The following CECR2 variants were observed in gnomAD, a reference collection of about 807,000 sequenced individuals.
CECR2 encodes the protein CECR2 histone acetyl-lysine reader, also known as chromatin remodeling regulator CECR2.
CECR2 carries 30 observed loss-of-function variants against 154.5 expected under a neutral mutation model. The ratio of observed to expected loss-of-function variants is 0.19; its 90% CI spans 0.15 to 0.26. The LOEUF is 0.26. Among genes scored for constraint, CECR2 ranks in the 10% least tolerant of loss-of-function variants. The pLI is 1.00. For missense variants in CECR2, 1,743 were observed against 1,829.3 expected (o/e 0.95, Z 0.86); for synonymous variants, 725 against 683.7 (o/e 1.06, Z -0.94).
At position 17,457,319 on chromosome 22, in the gene CECR2, G is replaced by A. The variant is rs796915280; in HGVS notation, c.127-20269G>A. Among the ~76,000 whole-genome samples, 15 of 152,306 alleles carry A rather than the reference G, an allele frequency of 9.8e-5. 1 individual carries two copies. Among genetic ancestry groups the A allele is most frequent in the African/African-American group, 2.6e-4 (11 of 41,570 alleles). ...TGGGATTACAGGCGTGAGCCACTGC[G>A]CCTGGCCTATATTTACTAGTTTTGT... is the stretch of plus-strand genomic sequence containing the variant. On this transcript the variant is annotated intron_variant, in intron 1 of 18. Coordinates refer to ENST00000262608, the MANE Select transcript of CECR2 (RefSeq NM_001290047.2).
intron 8 of CECR2, among the ~76,000 whole-genome samples, chr22:17,521,573 G>A (rs2056158974): frequency 6.6e-6 from 1 of 151,016 alleles, no homozygotes; most frequent in African/African-American, 2.4e-5. Context: ...CATATCCTTT[G>A]CCCACTTTTT....
intron 1 of CECR2, among the ~76,000 whole-genome samples, chr22:17,379,714 A>ATGTT (rs2146466088): frequency 6.6e-6 from 1 of 152,080 alleles, no homozygotes; most frequent in East Asian, 1.9e-4. Context: ...GCTGCTCTAA[A>ATGTT]TGTTTTTTAA....
intron 9 of CECR2, among the ~76,000 whole-genome samples, chr22:17,526,425 G>A (rs946687321): frequency 6.6e-6 from 1 of 152,192 alleles, no homozygotes; most frequent in East Asian, 1.9e-4. Flanking sequence ...TCTACAAGTG[G>A]TGCTGGGGAA....
rs1211328155 is a variant in CECR2, at chr22:17,448,010, T to A, written c.127-29578T>A. 3.3e-5 allele frequency among the ~76,000 whole-genome samples: 5 copies of A among 152,188 alleles called. No individual in the cohort carries two copies. In the East Asian group the frequency reaches 9.6e-4, roughly 29 times the overall value. ...CTTAATACTTTGAGATAATGTTGGG[T>A]AACAATTTTTTAGAGAGTTTTAAGG... On this transcript the variant is annotated intron_variant, in intron 1 of 18. Transcript: ENST00000262608.
intron 8 of CECR2, among the ~76,000 whole-genome samples, chr22:17,517,920 A>G (rs749374796): frequency 6.6e-6 from 1 of 152,200 alleles, no homozygotes; most frequent in African/African-American, 2.4e-5. Flanking sequence ...TGAGCATATT[A>G]TGGTTACAGG....
Position 17,541,902 on chromosome 22 carries a change from T to C in CECR2, c.1948T>C (p.Ser650Pro). 1 of 1,613,964 alleles carries C rather than the reference T, an allele frequency of 6.2e-7. No homozygotes were observed. Residue 650 changes from serine to proline, a missense_variant, in exon 15 of 19, where the codon TCC (serine) becomes CCC (proline). Physicochemically the swap from Ser to Pro is moderately conservative, Grantham distance 74 (BLOSUM62 -1). This residue lies in a region of CECR2 where 1,250 missense variants were observed against 1,192.1 expected (regional missense o/e 1.05). Coordinates refer to ENST00000262608, the MANE Select transcript of CECR2 (RefSeq NM_001290047.2). ...RGSDPATLYG[S>P]SGVPEPHPGE... ...ATCAGATCCTGCCACCTTGTATGGC[T>C]CCTCTGGAGTCCCGGAGCCACACCC...
intron 16 of CECR2, among the ~76,000 whole-genome samples, chr22:17,546,417 C>T (rs906960482): frequency 7.1e-6 from 1 of 141,088 alleles, no homozygotes; most frequent in Non-Finnish European, 1.5e-5. Context: ...ACCCGGGAGG[C>T]GGAGCTTGCA....
In CECR2 at chr22:17,545,791, C is replaced by T. The variant is rs1022767230; in HGVS notation, c.2861-2357C>T. Among the ~76,000 whole-genome samples, 5 of 147,616 alleles carry T rather than the reference C, an allele frequency of 3.4e-5. No individual in the cohort carries two copies. In the East Asian group the frequency reaches 1.0e-3, roughly 29 times the overall value. On this transcript the variant is annotated intron_variant, in intron 16 of 18. Transcript: ENST00000262608. ...CCGGGAGGCTGAGGTTGCAGTGAGC[C>T]GAGATCACATCACTGCACTCCAGCC...
In CECR2 at chr22:17,392,030, G is replaced by A. The variant is rs570393805; in HGVS notation, c.126+22121G>A. On this transcript the variant is annotated intron_variant, in intron 1 of 18. Coordinates refer to ENST00000262608, the MANE Select transcript of CECR2 (RefSeq NM_001290047.2). Reference sequence around the variant, plus strand: ...TTAGCCAGGCTGGTCTCGAACTCTCGAACTCCCAAACTCAGGTGATCCACC... The same window carrying A: ...TTAGCCAGGCTGGTCTCGAACTCTCAAACTCCCAAACTCAGGTGATCCACC... Among the ~76,000 whole-genome samples the A allele has an allele frequency of 7.9e-4, 121 of 152,226 alleles. 1 individual carries two copies. The highest frequency in any genetic ancestry group is 2.7e-3 in the African/African-American group (114 of 41,552).
intron 5 of CECR2, among the ~76,000 whole-genome samples, chr22:17,501,164 T>A (rs1352768152): frequency 6.6e-6 from 1 of 152,182 alleles, no homozygotes; most frequent in African/African-American, 2.4e-5. Flanking sequence ...TACTTAAGGA[T>A]CAGCTCTATC....
chr22:17,397,455 A>G (rs2053828721), intron 1 of CECR2, among the ~76,000 whole-genome samples: 1 of 151,734 alleles, frequency 6.6e-6, no homozygotes, highest in Admixed American at 6.6e-5. Flanking sequence ...TAGGTTAAAA[A>G]TTTGTATTTG....
chr22:17,441,216 C>T (rs562330986), intron 1 of CECR2, among the ~76,000 whole-genome samples: 1 of 152,278 alleles, frequency 6.6e-6, no homozygotes, highest in East Asian at 1.9e-4. Context: ...CTCAAAAGTG[C>T]TGGGATTACA....
At chr22:17,510,664 T>C (rs1312656141) in intron 7 of CECR2, among the ~76,000 whole-genome samples, 1 of 152,148 alleles carries the variant, frequency 6.6e-6, no homozygotes, top group Non-Finnish European at 1.5e-5. Context: ...TGCAGTGGCA[T>C]GATGTCGGCT....
chr22:17,384,158 T>C (rs1280203097), intron 1 of CECR2, among the ~76,000 whole-genome samples: 2 of 152,222 alleles, frequency 1.3e-5, no homozygotes, highest in African/African-American at 4.8e-5. Context: ...GCATCTAGAA[T>C]CATGAATCCT....
At chr22:17,484,581 TTTTG>T (rs902470466) in intron 2 of CECR2, among the ~76,000 whole-genome samples, 24 of 152,278 alleles carry the variant, frequency 1.6e-4, no homozygotes, top group Admixed American at 3.3e-4. Flanking sequence ...ATAGACTGTT[TTTTG>T]TTTGTTTGTT....
chr22:17,452,888 CT>C (rs1287730365), intron 1 of CECR2, among the ~76,000 whole-genome samples: 2 of 152,068 alleles, frequency 1.3e-5, no homozygotes, highest in Non-Finnish European at 2.9e-5. Flanking sequence ...ATCTTACACA[CT>C]TTTTAAAACC....
intron 1 of CECR2, among the ~76,000 whole-genome samples, chr22:17,394,420 G>T (rs1228982895): frequency 6.6e-6 from 1 of 151,672 alleles, no homozygotes; most frequent in Non-Finnish European, 1.5e-5. Flanking sequence ...TGCTATCCAG[G>T]CTGGCCTTGA....
intron 3 of CECR2, among the ~76,000 whole-genome samples, chr22:17,498,145 C>T (rs1601461815): frequency 6.6e-6 from 1 of 152,304 alleles, no homozygotes; most frequent in East Asian, 1.9e-4. Flanking sequence ...AATCCCAGCA[C>T]TTTGGGAGGC....
At chr22:17,550,142 T>G (rs1337768952) in intron 17 of CECR2, 1 of 151,638 alleles carries the variant, frequency 6.6e-6, no homozygotes, top group Non-Finnish European at 1.5e-5. Flanking sequence ...CTTTATTTAT[T>G]TATTTATTTA....
Sources: gnomAD v4.1 joint callset for allele counts (sites outside exome capture counted in the v4.1 genomes callset) on GRCh38, gnomAD v4.1.1 for gene constraint, gnomAD v4.1.1 regional missense constraint, MANE v1.5 for transcripts, NCBI Gene and HGNC (gene_info 2026-07-23, HGNC 2026-07-21) for gene names.